Variants in NEK11 observed in about 807,000 individuals in gnomAD.
NEK11 encodes serine/threonine-protein kinase Nek11.
In NEK11, 72 loss-of-function variants were observed where a neutral mutation model predicts 80.7. The observed-to-expected ratio is 0.89, with a 90% CI of 0.74 to 1.08. The LOEUF is 1.08. Ranked by LOEUF, NEK11 falls within the 50% of genes least tolerant of loss-of-function variation. The pLI is 0.00. For missense variants in NEK11, 764 were observed against 763.6 expected, an observed-to-expected ratio of 1.00 and a Z score of -0.01; for synonymous variants, 251 against 260.7, an observed-to-expected ratio of 0.96 and a Z score of 0.36.
chr3:131,216,747 C>T (rs1282084331), intron 14 of NEK11, among the ~76,000 whole-genome samples: 1 of 152,202 alleles, frequency 6.6e-6, no homozygotes, highest in Non-Finnish European at 1.5e-5. Context: ...TCACTGGGGG[C>T]TGTCCATATT....
At chr3:131,163,863 A>C (rs1406192579) in intron 11 of NEK11, among the ~76,000 whole-genome samples, 1 of 152,214 alleles carries the variant, frequency 6.6e-6, no homozygotes, top group Non-Finnish European at 1.5e-5. Flanking sequence ...AGAGGCTTAG[A>C]GCCTCAATTT....
chr3:131,327,447 A>G (rs1218742005), intron 17 of NEK11: 2 of 152,246 alleles, frequency 1.3e-5, no homozygotes, highest in Non-Finnish European at 2.9e-5. Flanking sequence ...TCAGGGACCC[A>G]AGGGCTGGCT....
chr3:131,051,011 C>G (rs555019179), intron 3 of NEK11, among the ~76,000 whole-genome samples: 3 of 152,072 alleles, frequency 2.0e-5, no homozygotes, highest in African/African-American at 7.2e-5. Context: ...CCATCCTAGG[C>G]GACAGAGTGA....
At chr3:131,140,882 C>T (rs995032730) in intron 7 of NEK11, among the ~76,000 whole-genome samples, 3 of 152,090 alleles carry the variant, frequency 2.0e-5, no homozygotes, top group East Asian at 1.9e-4. Flanking sequence ...CCCACCTCAA[C>T]GTCACCCCTA....
intron 17 of NEK11, among the ~76,000 whole-genome samples, chr3:131,295,294 G>A (rs939955080): frequency 4.0e-5 from 6 of 149,836 alleles, no homozygotes; most frequent in Admixed American, 4.0e-4. Flanking sequence ...TCAGATTTGG[G>A]ATTTTTTTTT....
At chr3:131,120,177 G>A (rs2082121614) in intron 5 of NEK11, among the ~76,000 whole-genome samples, 1 of 152,128 alleles carries the variant, frequency 6.6e-6, no homozygotes. Context: ...AGACCTGGTG[G>A]TGACAAAATC....
chr3:131,069,072 C>CAGTAAT (rs1560249587), intron 3 of NEK11, among the ~76,000 whole-genome samples: 1 of 152,098 alleles, frequency 6.6e-6, no homozygotes, highest in African/African-American at 2.4e-5. Context: ...ACTGTTAAGA[C>CAGTAAT]AGCCAAACCA....
At chr3:131,303,567 C>G (rs2096686094) in intron 17 of NEK11, among the ~76,000 whole-genome samples, 1 of 151,924 alleles carries the variant, frequency 6.6e-6, no homozygotes, top group Non-Finnish European at 1.5e-5. Flanking sequence ...AAAAGGATCT[C>G]AGGGTTTTTT....
At chr3:131,181,663 G>A (rs979033929) in intron 14 of NEK11, among the ~76,000 whole-genome samples, 8 of 147,558 alleles carry the variant, frequency 5.4e-5, no homozygotes, top group Non-Finnish European at 8.9e-5. Flanking sequence ...GGAGAATGGC[G>A]TGAACTCAGG....
chr3:131,298,705 G>C (rs993541995), intron 17 of NEK11, among the ~76,000 whole-genome samples: 25 of 151,838 alleles, frequency 1.6e-4, no homozygotes, highest in Non-Finnish European at 5.9e-5. Context: ...GGTGGTGGTG[G>C]TGGTGGTGGT....
intron 14 of NEK11, among the ~76,000 whole-genome samples, chr3:131,217,114 C>A (rs2094866278): frequency 6.6e-6 from 1 of 152,126 alleles, no homozygotes; most frequent in Non-Finnish European, 1.5e-5. Context: ...CGAGGCCCAG[C>A]CGATGACTCA....
intron 12 of NEK11, among the ~76,000 whole-genome samples, chr3:131,166,644 C>G (rs1274526324): frequency 2.0e-5 from 3 of 152,146 alleles, no homozygotes; most frequent in Non-Finnish European, 4.4e-5. Flanking sequence ...CTTTTCCCAC[C>G]CCTCTGACAC....
chr3:131,292,560 G>T lies in NEK11; in HGVS notation c.1718+18986G>T, dbSNP rs1014163012. On this transcript the variant is annotated intron_variant, in intron 17 of 17. Transcript: ENST00000383366. The stretch of plus-strand genomic sequence containing the variant: ...AGATAGAGTCTCACTCTATAGCCCA[G>T]GCTGGAGTGCAGTGGTGTGATGATA... 4.0e-5 allele frequency among the ~76,000 whole-genome samples: 6 copies of T among 150,696 alleles called. No homozygotes were observed. The Admixed American group carries it at 4.0e-4, about 10-fold the overall frequency.
Position 131,133,832 on chromosome 3 carries a change from G to A in NEK11, c.523G>A (p.Asp175Asn). Residue 175 changes from aspartate (D) to asparagine (N), a missense_variant and splice_region_variant, in exon 7 of 18, where the codon GAT becomes AAT. Coordinates refer to ENST00000383366, the MANE Select transcript of NEK11 (RefSeq NM_024800.5). ...FLKNNLLKIG[D>N]FGVSRLLMGS... ...TAAAAATTAATTATTATTTCAAGGAGATTTTGGAGTTTCTCGACTTCTAAT... is the reference window on the plus strand; with the variant it reads ...TAAAAATTAATTATTATTTCAAGGAAATTTTGGAGTTTCTCGACTTCTAAT... The A allele has an allele frequency of 1.2e-6, 2 of 1,607,426 alleles. No homozygotes were observed. Among genetic ancestry groups the A allele is most frequent in the South Asian group, 2.2e-5 (2 of 89,408 alleles).
chr3:131,316,590 C>T (rs887491849), intron 17 of NEK11, among the ~76,000 whole-genome samples: 4 of 152,140 alleles, frequency 2.6e-5, no homozygotes, highest in African/African-American at 7.2e-5. Flanking sequence ...AGCCTGAGCT[C>T]CTGCCTGTAT....
At chr3:131,337,733 AACTGAGTG>A (rs1479549914) in intron 17 of NEK11, among the ~76,000 whole-genome samples, 5 of 152,126 alleles carry the variant, frequency 3.3e-5, no homozygotes, top group Non-Finnish European at 7.4e-5. Context: ...TGGCCTACAG[AACTGAGTG>A]ACTAGACTGC....
chr3:131,308,046 C>T (rs2096740022), intron 17 of NEK11, among the ~76,000 whole-genome samples: 1 of 152,156 alleles, frequency 6.6e-6, no homozygotes. Context: ...TTTAAATTCT[C>T]AGAGGAATAA....
At chr3:131,231,138 C>CACAT (rs1367102751) in intron 15 of NEK11, among the ~76,000 whole-genome samples, 1 of 151,970 alleles carries the variant, frequency 6.6e-6, no homozygotes, top group Non-Finnish European at 1.5e-5. Flanking sequence ...TACAGCCTCT[C>CACAT]ACATACATGG....
chr3:131,163,962 G>A (rs1158463271), intron 11 of NEK11, among the ~76,000 whole-genome samples: 3 of 151,996 alleles, frequency 2.0e-5, no homozygotes, highest in Admixed American at 6.6e-5. Context: ...GGTAGTTTAG[G>A]AGCCCCAATC....
Sources: allele counts gnomAD v4.1 joint callset (sites outside exome capture counted in the v4.1 genomes callset), GRCh38; gene constraint gnomAD v4.1.1; transcripts MANE v1.5; gene names NCBI Gene and HGNC (gene_info 2026-07-23, HGNC 2026-07-21).